Variants in STX5 observed in about 807,000 individuals in gnomAD.
STX5 encodes syntaxin-5.
STX5 carries 15 observed loss-of-function variants against 42.9 expected under a neutral mutation model. That is an observed-to-expected ratio of 0.35 (90% CI 0.23 to 0.54). STX5 has a LOEUF of 0.54. STX5 is among the 20% of genes least tolerant of loss of function. The pLI, the probability that STX5 is intolerant of heterozygous loss-of-function variation, is 0.91. For missense variants in STX5, 430 were observed against 455.0 expected (o/e 0.95, Z 0.50); for synonymous variants, 184 against 173.2 (o/e 1.06, Z -0.49).
intron 2 of STX5, among the ~76,000 whole-genome samples, chr11:62,829,095 C>A (rs73487819): frequency 0.019 from 2,891 of 148,728 alleles, 88 homozygotes; most frequent in African/African-American, 0.066. Flanking sequence ...CAAACAAACA[C>A]AAACTGCTTA....
chr11:62,822,419 A>G (rs539823676), intron 10 of STX5, among the ~76,000 whole-genome samples: 1 of 152,276 alleles, frequency 6.6e-6, no homozygotes, highest in East Asian at 1.9e-4. Context: ...AGTAAAAGCT[A>G]AAGCCTACCA....
intron 10 of STX5, among the ~76,000 whole-genome samples, chr11:62,812,847 T>C (rs2084633366): frequency 6.6e-6 from 1 of 151,592 alleles, no homozygotes; most frequent in Non-Finnish European, 1.5e-5. Context: ...GTGCGGTGGC[T>C]CACGCCTGTA....
At chr11:62,827,728 T>C (rs2084812124) in intron 2 of STX5, 97 bp from the exon 3 acceptor site, 3 of 1,252,614 alleles carry the variant, frequency 2.4e-6, no homozygotes, top group Admixed American at 1.9e-5. Flanking sequence ...TCTCTAGTGC[T>C]GGTGGCATCC....
Position 62,827,373 on chromosome 11 carries a change from T to C in STX5, c.322A>G (p.Thr108Ala), listed in dbSNP as rs148833107. Residue 108 changes from threonine to alanine, a missense_variant, in exon 4 of 11, where the codon ACA becomes GCA. Transcript: ENST00000294179. ...GTCAGCTTCTCCAGCTTGGCAAATG[T>C]GTTGCTAAGGTCTTTCCCAATGCGC... The part of the protein sequence containing the change: ...AKRIGKDLSN[T>A]FAKLEKLTIL... 9 of 1,614,094 alleles carry C rather than the reference T, an allele frequency of 5.6e-6. No homozygotes were observed. In the Admixed American group the frequency reaches 1.3e-4, roughly 24 times the overall value.
At chr11:62,826,859 G>C (rs750576239) in intron 5 of STX5, among the ~76,000 whole-genome samples, 8 of 129,994 alleles carry the variant, frequency 6.2e-5, no homozygotes, top group Non-Finnish European at 1.3e-4. Context: ...CGGCCTGGGT[G>C]AAAGAGCAAA....
chr11:62,818,689 C>CA (rs772514194), intron 10 of STX5, among the ~76,000 whole-genome samples: 1,194 of 107,858 alleles, frequency 0.011, 8 homozygotes, highest in African/African-American at 0.029. Flanking sequence ...CCGTCTCTAC[C>CA]AAAAAAAAAA....
chr11:62,810,985 T>C (rs1459515698), intron 10 of STX5, among the ~76,000 whole-genome samples: 2 of 152,200 alleles, frequency 1.3e-5, no homozygotes, highest in Admixed American at 1.3e-4. Flanking sequence ...CCTCGAACTT[T>C]CTTTCTCAGG....
intron 2 of STX5, among the ~76,000 whole-genome samples, chr11:62,828,632 C>T (rs566932926): frequency 1.3e-5 from 2 of 152,010 alleles, no homozygotes; most frequent in South Asian, 2.1e-4. Context: ...AGGCTGAGGC[C>T]GGAGAATCAC....
intron 8 of STX5, 100 bp downstream of exon 8, chr11:62,824,936 C>T: frequency 8.2e-7 from 1 of 1,226,250 alleles, no homozygotes; most frequent in Non-Finnish European, 1.2e-6. Context: ...AATTCCTTGA[C>T]CTTCCACTCT....
At chr11:62,831,588 C>G (rs912752017) in intron 1 of STX5, among the ~76,000 whole-genome samples, 1 of 152,160 alleles carries the variant, frequency 6.6e-6, no homozygotes, top group Admixed American at 6.5e-5. Context: ...GGGCCCTAAC[C>G]CAGCCCTTTC....
At position 62,824,463 on chromosome 11, in the gene STX5, T is replaced by C; in HGVS notation, c.782A>G (p.Glu261Gly). Residue 261 changes from glutamate (E) to glycine (G), a missense_variant, in exon 9 of 11, where the codon GAG becomes GGG. By Grantham distance (98) the Glu-to-Gly change is moderately conservative (BLOSUM62 -2). Coordinates refer to ENST00000294179, the MANE Select transcript of STX5 (RefSeq NM_003164.5). ...CCTAGTTCAGAGCCTGGGTACCTGCTCGTCAATGAGCTGCAGCTGCTGGCT... is the reference window on the plus strand; with the variant it reads ...CCTAGTTCAGAGCCTGGGTACCTGCCCGTCAATGAGCTGCAGCTGCTGGCT... ...RTSQQLQLID[E>G]QDSYIQSRAD... 1.2e-6 allele frequency: 2 copies of C among 1,614,166 alleles called. No homozygotes were observed. The highest frequency in any genetic ancestry group is 1.1e-5 in the South Asian group (1 of 91,088).
At chr11:62,810,890 G>A (rs906463448) in intron 10 of STX5, among the ~76,000 whole-genome samples, 8 of 152,186 alleles carry the variant, frequency 5.3e-5, no homozygotes, top group Non-Finnish European at 8.8e-5. Flanking sequence ...CCAACATACT[G>A]TAAAATTGCT....
chr11:62,817,133 GC>G (rs1211211478), intron 10 of STX5, among the ~76,000 whole-genome samples: 1 of 151,696 alleles, frequency 6.6e-6, no homozygotes, highest in East Asian at 2.0e-4. Context: ...TCACCATGTT[GC>G]CCAGGGTGGT....
chr11:62,824,620 C>T (rs1224550057), intron 8 of STX5, 55 bp from the exon 9 acceptor site: 2 of 1,547,944 alleles, frequency 1.3e-6, no homozygotes, highest in East Asian at 2.3e-5. Flanking sequence ...AGGTTCAAAG[C>T]CCACATGCTC....
intron 10 of STX5, chr11:62,815,881 C>T (rs1297245732): frequency 6.6e-6 from 1 of 151,956 alleles, no homozygotes; most frequent in Admixed American, 6.6e-5. Flanking sequence ...ATTCTAGTTT[C>T]AGGGGTACAT....
Position 62,807,261 on chromosome 11 carries a change from T to C in STX5, c.*208A>G. On this transcript the variant is annotated 3_prime_UTR_variant, in exon 11 of 11. Coordinates refer to ENST00000294179, the MANE Select transcript of STX5 (RefSeq NM_003164.5). The stretch of plus-strand genomic sequence containing the variant: ...AGCAGAGTTCAAATCTAGAACCCTG[T>C]GTGTTTCATAGGCCTGAGGGTGGTG... 6.3e-6 allele frequency: 4 copies of C among 638,734 alleles called. No homozygotes were observed. The South Asian group carries it at 9.5e-5, about 15-fold the overall frequency. The allele number at this position is 638,734 out of a possible 1,614,324, so 39.6% of individuals were successfully genotyped here.
At chr11:62,822,190 C>CT (rs1423604048) in intron 10 of STX5, among the ~76,000 whole-genome samples, 6 of 151,670 alleles carry the variant, frequency 4.0e-5, no homozygotes, top group Non-Finnish European at 7.4e-5. Flanking sequence ...TGGCAAAACT[C>CT]TGTCTCTACT....
At chr11:62,809,236 C>T (rs1163834179) in intron 10 of STX5, among the ~76,000 whole-genome samples, 1 of 140,418 alleles carries the variant, frequency 7.1e-6, no homozygotes, top group East Asian at 2.1e-4. Flanking sequence ...TGCAGTGAGC[C>T]GAGATCGTGC....
chr11:62,822,872 G>T (rs2084755094), intron 10 of STX5, among the ~76,000 whole-genome samples: 1 of 152,148 alleles, frequency 6.6e-6, no homozygotes, highest in Admixed American at 6.5e-5. Context: ...AAAAACTCTT[G>T]TAGTAGCAGG....
Sources: allele counts gnomAD v4.1 joint callset (sites outside exome capture counted in the v4.1 genomes callset), GRCh38; gene constraint gnomAD v4.1.1; transcripts MANE v1.5; gene names NCBI Gene and HGNC (gene_info 2026-07-23, HGNC 2026-07-21).